The following MBNL1 variants were observed in gnomAD, a reference collection of about 807,000 sequenced individuals.
MBNL1 encodes muscleblind-like protein 1.
Under a neutral mutation model 42.2 loss-of-function variants are expected in MBNL1, and 8 were observed. That is an observed-to-expected ratio of 0.19 (90% CI 0.11 to 0.34). The LOEUF is 0.34. MBNL1 is among the 10% of genes least tolerant of loss of function. The pLI, the probability that MBNL1 is intolerant of heterozygous loss-of-function variation, is 1.00. For missense variants in MBNL1, 309 were observed against 495.3 expected (o/e 0.62, Z 3.57); for synonymous variants, 169 against 173.9 (o/e 0.97, Z 0.22).
intron 2 of MBNL1, among the ~76,000 whole-genome samples, chr3:152,321,455 T>A (rs765863935): frequency 6.6e-6 from 1 of 151,984 alleles, no homozygotes; most frequent in Non-Finnish European, 1.5e-5. Flanking sequence ...ATAGGGTGAG[T>A]TTTCCGAGAG....
At chr3:152,268,667 T>A (rs866804477), upstream of MBNL1, 1 of 434,012 alleles carries the variant, frequency 2.3e-6, no homozygotes, top group South Asian at 1.6e-5. Context: ...TCCGGCTTCC[T>A]CCTGCTCTCG....
chr3:152,370,492 G>A (rs1306566011), intron 2 of MBNL1, among the ~76,000 whole-genome samples: 3 of 152,164 alleles, frequency 2.0e-5, no homozygotes, highest in African/African-American at 7.2e-5. Flanking sequence ...GGGGTGGAGA[G>A]TTCTGTAGAT....
chr3:152,253,641 A>G (rs1411338751), intron 2 of MBNL1, among the ~76,000 whole-genome samples: 1 of 151,992 alleles, frequency 6.6e-6, no homozygotes, highest in Non-Finnish European at 1.5e-5. Context: ...CTCTTCATTC[A>G]TGATATTCTG....
intron 2 of MBNL1, among the ~76,000 whole-genome samples, chr3:152,333,384 CAGTT>C (rs763528281): frequency 3.6e-4 from 55 of 152,234 alleles, no homozygotes; most frequent in Admixed American, 2.1e-3. Flanking sequence ...TATTTGTACA[CAGTT>C]AGGTTTTTGG....
At chr3:152,338,535 A>C (rs1246974662) in intron 2 of MBNL1, 1 of 985,208 alleles carries the variant, frequency 1.0e-6, no homozygotes, top group Non-Finnish European at 1.2e-6. Flanking sequence ...AAACTTTCCT[A>C]GCCTGGACAC....
chr3:152,450,448 T>A (rs986362167), intron 6 of MBNL1, among the ~76,000 whole-genome samples: 4 of 152,172 alleles, frequency 2.6e-5, no homozygotes, highest in Admixed American at 1.3e-4. Context: ...GAAAGAAGTC[T>A]AATGCAGGGA....
chr3:152,337,506 T>C (rs1219467376), intron 2 of MBNL1, among the ~76,000 whole-genome samples: 1 of 151,744 alleles, frequency 6.6e-6, no homozygotes, highest in African/African-American at 2.4e-5. Flanking sequence ...TAGTCCCAGC[T>C]ACTTGGGAGG....
intron 1 of MBNL1, among the ~76,000 whole-genome samples, chr3:152,286,806 C>T (rs1287490914): frequency 6.6e-6 from 1 of 151,814 alleles, no homozygotes; most frequent in Non-Finnish European, 1.5e-5. Flanking sequence ...TTAATTTGTC[C>T]AATGTATTCC....
intron 2 of MBNL1, among the ~76,000 whole-genome samples, chr3:152,338,836 T>C (rs945712908): frequency 2.0e-5 from 3 of 152,184 alleles, no homozygotes; most frequent in African/African-American, 4.8e-5. Flanking sequence ...AAAACTCTTA[T>C]AGGAATTTTG....
At chr3:152,313,701 C>T (rs940805993) in intron 2 of MBNL1, among the ~76,000 whole-genome samples, 2 of 152,152 alleles carry the variant, frequency 1.3e-5, no homozygotes, top group African/African-American at 4.8e-5. Context: ...ATGCACATTG[C>T]ACTACAGGTC....
chr3:152,437,043 G>C (rs916078483), intron 4 of MBNL1, among the ~76,000 whole-genome samples: 4 of 152,226 alleles, frequency 2.6e-5, no homozygotes, highest in East Asian at 1.9e-4. Context: ...TTATTTCCTC[G>C]CATGCTAATT....
At chr3:152,345,431 G>T (rs2094083952) in intron 2 of MBNL1, among the ~76,000 whole-genome samples, 1 of 152,110 alleles carries the variant, frequency 6.6e-6, no homozygotes, top group African/African-American at 2.4e-5. Context: ...AAGAGGGGAA[G>T]TGTTATAAAT....
intron 1 of MBNL1, among the ~76,000 whole-genome samples, chr3:152,276,266 TTC>T (rs1388924514): frequency 6.6e-6 from 1 of 152,184 alleles, no homozygotes; most frequent in Non-Finnish European, 1.5e-5. Context: ...TTTGAATACT[TTC>T]TGTGTGCTAA....
At chr3:152,410,201 T>C (rs1378581433) in intron 2 of MBNL1, among the ~76,000 whole-genome samples, 1 of 152,166 alleles carries the variant, frequency 6.6e-6, no homozygotes, top group Non-Finnish European at 1.5e-5. Flanking sequence ...CATACATTTA[T>C]TTGGAGGATT....
intron 3 of MBNL1, among the ~76,000 whole-genome samples, chr3:152,429,410 A>G (rs1038209966): frequency 2.0e-5 from 3 of 152,238 alleles, no homozygotes; most frequent in Non-Finnish European, 2.9e-5. Context: ...GCAAAAGGCA[A>G]TTATAAACCA....
At chr3:152,343,610 C>T (rs1383101303) in intron 2 of MBNL1, among the ~76,000 whole-genome samples, 1 of 152,126 alleles carries the variant, frequency 6.6e-6, no homozygotes, top group Non-Finnish European at 1.5e-5. Flanking sequence ...GAAATCGAGG[C>T]TGCAGTGCAG....
At chr3:152,277,193 A>G (rs2045739361) in intron 1 of MBNL1, among the ~76,000 whole-genome samples, 1 of 152,192 alleles carries the variant, frequency 6.6e-6, no homozygotes, top group African/African-American at 2.4e-5. Flanking sequence ...TTCTGTGCTA[A>G]GCTCTTTCAA....
chr3:152,297,807 C>G (rs1199550533), intron 1 of MBNL1, among the ~76,000 whole-genome samples: 1 of 151,992 alleles, frequency 6.6e-6, no homozygotes, highest in African/African-American at 2.4e-5. Flanking sequence ...TAGGTGCCAC[C>G]ACCACGCCCA....
chr3:152,404,919 T>C (rs1000105713), intron 2 of MBNL1, among the ~76,000 whole-genome samples: 1 of 152,002 alleles, frequency 6.6e-6, no homozygotes, highest in African/African-American at 2.4e-5. Flanking sequence ...GAAGCAATAT[T>C]TTAACTTCTT....
Sources: gnomAD v4.1 joint callset for allele counts (sites outside exome capture counted in the v4.1 genomes callset) on GRCh38, gnomAD v4.1.1 for gene constraint, MANE v1.5 for transcripts, NCBI Gene and HGNC (gene_info 2026-07-23, HGNC 2026-07-21) for gene names.